SLC16A10: variants seen among roughly 807,000 people sequenced by gnomAD.
SLC16A10 encodes monocarboxylate transporter 10.
SLC16A10 carries 27 observed loss-of-function variants against 40.0 expected under a neutral mutation model. The observed-to-expected ratio is 0.67, with a 90% CI of 0.50 to 0.93. The LOEUF (loss-of-function observed/expected upper bound fraction) is 0.93. Ranked by LOEUF, SLC16A10 falls within the 40% of genes least tolerant of loss-of-function variation. The pLI is 0.00. For missense variants in SLC16A10, 529 were observed against 658.2 expected, an observed-to-expected ratio of 0.80 and a Z score of 2.15; for synonymous variants, 213 against 249.8, an observed-to-expected ratio of 0.85 and a Z score of 1.39.
intron 1 of SLC16A10, among the ~76,000 whole-genome samples, chr6:111,135,839 C>A (rs558369448): frequency 9.0e-4 from 137 of 152,294 alleles, no homozygotes; most frequent in Non-Finnish European, 1.4e-3. Flanking sequence ...AATTTCCTCG[C>A]CACCTGTGGC....
At chr6:111,159,354 T>A (rs1417589978) in intron 1 of SLC16A10, among the ~76,000 whole-genome samples, 2 of 152,206 alleles carry the variant, frequency 1.3e-5, no homozygotes, top group Non-Finnish European at 2.9e-5. Context: ...TCTGTGAACA[T>A]CCTTACTCAT....
chr6:111,182,517 C>CT (rs34196962), intron 3 of SLC16A10, among the ~76,000 whole-genome samples: 123,989 of 151,600 alleles, frequency 0.82, 50,890 homozygotes, highest in Non-Finnish European at 0.86. Flanking sequence ...ATGTATTCTA[C>CT]GGTGGTTTCA....
chr6:111,178,719 G>A (rs1363133195), intron 3 of SLC16A10: 1 of 204,248 alleles, frequency 4.9e-6, no homozygotes, highest in African/African-American at 2.4e-5. Flanking sequence ...ATATTTGTAT[G>A]TTTGTGAACT....
intron 4 of SLC16A10, among the ~76,000 whole-genome samples, chr6:111,214,439 G>GA (rs1159741408): frequency 6.6e-6 from 1 of 152,242 alleles, no homozygotes; most frequent in African/African-American, 2.4e-5. Flanking sequence ...GGGGAGTGAT[G>GA]AAGCATTGAA....
chr6:111,091,012 A>G (rs1770965253), intron 1 of SLC16A10, among the ~76,000 whole-genome samples: 1 of 152,132 alleles, frequency 6.6e-6, no homozygotes, highest in Non-Finnish European at 1.5e-5. Flanking sequence ...GCATTTCTTG[A>G]GTACTTTCCT....
chr6:111,096,210 T>G (rs1251203793), intron 1 of SLC16A10, among the ~76,000 whole-genome samples: 1 of 152,222 alleles, frequency 6.6e-6, no homozygotes, highest in Non-Finnish European at 1.5e-5. Flanking sequence ...ATTCTCTCAA[T>G]AGTGTCTCCT....
At chr6:111,164,928 T>TATA in intron 1 of SLC16A10, among the ~76,000 whole-genome samples, 1 of 152,384 alleles carries the variant, frequency 6.6e-6, no homozygotes, top group South Asian at 2.1e-4. Context: ...TCATTTGAAC[T>TATA]AAAAGGTATT....
At chr6:111,206,828 T>TC (rs1464217683) in intron 4 of SLC16A10, 93 bp downstream of exon 4, 1 of 1,465,654 alleles carries the variant, frequency 6.8e-7, no homozygotes, top group African/African-American at 1.4e-5. Flanking sequence ...TCTTTTTTTT[T>TC]CTTTCCTTTT....
chr6:111,102,141 C>T (rs565110403), intron 1 of SLC16A10, among the ~76,000 whole-genome samples: 3 of 152,240 alleles, frequency 2.0e-5, no homozygotes, highest in Admixed American at 6.5e-5. Flanking sequence ...CTGTATATGT[C>T]GTCGAACAAA....
At chr6:111,106,242 T>C (rs1263382766) in intron 1 of SLC16A10, among the ~76,000 whole-genome samples, 3 of 152,304 alleles carry the variant, frequency 2.0e-5, no homozygotes, top group East Asian at 3.9e-4. Flanking sequence ...AGAGACTTGA[T>C]AGTAGTAAAG....
At chr6:111,137,050 G>A (rs903353439) in intron 1 of SLC16A10, among the ~76,000 whole-genome samples, 6 of 152,150 alleles carry the variant, frequency 3.9e-5, no homozygotes, top group African/African-American at 1.4e-4. Context: ...ACTGCTGTAA[G>A]AAAGGACAGA....
At chr6:111,094,506 T>C (rs953746243) in intron 1 of SLC16A10, among the ~76,000 whole-genome samples, 1 of 152,240 alleles carries the variant, frequency 6.6e-6, no homozygotes, top group African/African-American at 2.4e-5. Flanking sequence ...GGAATGTATC[T>C]TAGCTTCTTA....
At chr6:111,165,356 A>G (rs2114532951) in intron 1 of SLC16A10, among the ~76,000 whole-genome samples, 1 of 152,296 alleles carries the variant, frequency 6.6e-6, no homozygotes, top group South Asian at 2.1e-4. Flanking sequence ...TCATGCGTGC[A>G]TTAAGAGAGG....
intron 1 of SLC16A10, among the ~76,000 whole-genome samples, chr6:111,144,095 C>T (rs139335935): frequency 4.2e-4 from 64 of 151,812 alleles, no homozygotes; most frequent in African/African-American, 1.1e-3. Flanking sequence ...AGGAGGTATA[C>T]GAGAAATCTG....
intron 4 of SLC16A10, among the ~76,000 whole-genome samples, chr6:111,211,934 G>T (rs1773352426): frequency 6.6e-6 from 1 of 152,134 alleles, no homozygotes; most frequent in Admixed American, 6.5e-5. Context: ...TCCATTCATT[G>T]GTGGTGTGTT....
Position 111,087,746 on chromosome 6 carries a change from T to G in SLC16A10, c.-7T>G. 8.3e-7 allele frequency: 1 copy of G among 1,201,750 alleles called. No individual in the cohort carries two copies. Among genetic ancestry groups the G allele is most frequent in the South Asian group, 4.2e-5 (1 of 23,846 alleles). The allele number at this position is 1,201,750 out of a possible 1,614,324, so 74.4% of individuals were successfully genotyped here. A position where few individuals can be genotyped will look rare whatever the true frequency, so the allele number is the denominator to read the frequency against. ...TTCTCCGGCGCCTGAGGGGCCCGCCTCGGGCCATGGTGCTCTCCCAGGAGG... is the reference window on the plus strand; with the variant it reads ...TTCTCCGGCGCCTGAGGGGCCCGCCGCGGGCCATGGTGCTCTCCCAGGAGG... On this transcript the variant is annotated 5_prime_UTR_variant, in exon 1 of 6. Coordinates refer to ENST00000368851, the MANE Select transcript of SLC16A10 (RefSeq NM_018593.5).
intron 1 of SLC16A10, among the ~76,000 whole-genome samples, chr6:111,090,605 C>G (rs1770957646): frequency 6.6e-6 from 1 of 152,076 alleles, no homozygotes; most frequent in Non-Finnish European, 1.5e-5. Flanking sequence ...TTCCCCTGTC[C>G]CCTACCCCTT....
At chr6:111,170,257 T>C (rs1277321735) in intron 1 of SLC16A10, among the ~76,000 whole-genome samples, 1 of 152,140 alleles carries the variant, frequency 6.6e-6, no homozygotes. Flanking sequence ...ATATAAGCAG[T>C]ATATGCAATA....
intron 1 of SLC16A10, among the ~76,000 whole-genome samples, chr6:111,137,289 C>T (rs1028927502): frequency 2.6e-5 from 4 of 152,208 alleles, no homozygotes; most frequent in Non-Finnish European, 5.9e-5. Context: ...CTGCAGCTAA[C>T]CAATGGAAAT....
Sources: gnomAD v4.1 joint callset for allele counts (sites outside exome capture counted in the v4.1 genomes callset) on GRCh38, gnomAD v4.1.1 for gene constraint, MANE v1.5 for transcripts, NCBI Gene and HGNC (gene_info 2026-07-23, HGNC 2026-07-21) for gene names.